HACL1: variants seen among roughly 807,000 people sequenced by gnomAD.
The protein encoded by HACL1 is 2-hydroxyacyl-CoA lyase 1, also known as 1600020H07Rik.
A neutral mutation model predicts 74.2 loss-of-function variants in HACL1; 64 were observed. That is an observed-to-expected ratio of 0.86 (90% CI 0.70 to 1.06). The LOEUF is 1.06. Among genes scored for constraint, HACL1 ranks in the 50% least tolerant of loss-of-function variants. The pLI is 0.00. For synonymous variants in HACL1, 230 were observed against 238.8 expected, an observed-to-expected ratio of 0.96 and a Z score of 0.34; for missense variants, 728 against 719.7, an observed-to-expected ratio of 1.01 and a Z score of -0.13.
At chr3:15,564,834 GA>G (rs1257564865) in intron 14 of HACL1, among the ~76,000 whole-genome samples, 176 bp from the exon 15 acceptor site, 1 of 152,124 alleles carries the variant, frequency 6.6e-6, no homozygotes, top group African/African-American at 2.4e-5. Context: ...ATAATTAACA[GA>G]AACATCATGG....
rs2063854326 is a variant in HACL1 at position 15,589,572 on chromosome 3, C to T, written c.349G>A (p.Glu117Lys). The change falls in exon 5 of 17, where the codon GAA becomes AAA. Residue 117 changes from glutamate to lysine, a missense_variant. Transcript: ENST00000321169. ...AACTCCTGGAAAGCTCCCATTGTTTCTTGGTTTCTTTCAGAGGAACCACCA... is the reference window on the plus strand; with the variant it reads ...AACTCCTGGAAAGCTCCCATTGTTTTTTGGTTTCTTTCAGAGGAACCACCA... ...VIGGSSERNQETMGAFQEFPQ... is the reference protein window; with the variant it reads ...VIGGSSERNQKTMGAFQEFPQ... 1.2e-6 allele frequency: 2 copies of T among 1,611,388 alleles called. No homozygotes were observed. The highest frequency in any genetic ancestry group is 3.3e-5 in the Admixed American group (2 of 59,924).
At chr3:15,584,707 G>C (rs2063765262) in intron 7 of HACL1, among the ~76,000 whole-genome samples, 1 of 152,176 alleles carries the variant, frequency 6.6e-6, no homozygotes, top group Non-Finnish European at 1.5e-5. Context: ...CAGTACCCAT[G>C]ATGCTTTAAC....
chr3:15,590,358 C>T (rs1258062967), intron 4 of HACL1, among the ~76,000 whole-genome samples: 1 of 151,302 alleles, frequency 6.6e-6, no homozygotes, highest in Admixed American at 6.6e-5. Flanking sequence ...TATGGGAAAC[C>T]TTAAGGTACT....
intron 4 of HACL1, 91 bp downstream of exon 4, chr3:15,591,509 C>A: frequency 1.5e-6 from 1 of 647,068 alleles, no homozygotes; most frequent in Non-Finnish European, 2.6e-6. Context: ...TTTTCCAAGT[C>A]TTTCTACCCT....
chr3:15,600,987 T>C (rs921811766), intron 2 of HACL1, 103 bp downstream of exon 2: 2 of 726,676 alleles, frequency 2.8e-6, no homozygotes, highest in Non-Finnish European at 5.1e-6. Flanking sequence ...ATATGTAAAG[T>C]AGCAGAAGAG....
chr3:15,567,086 T>C (rs1268086107), intron 14 of HACL1, among the ~76,000 whole-genome samples: 4 of 151,834 alleles, frequency 2.6e-5, no homozygotes, highest in African/African-American at 9.7e-5. Flanking sequence ...ACCCAAAGTG[T>C]TGGGATTACG....
rs930020880 is a variant in HACL1 at position 15,563,374 on chromosome 3, G to C, written c.1688C>G (p.Ala563Gly). 6.2e-7 allele frequency: 1 copy of C among 1,612,858 alleles called. No individual in the cohort carries two copies. Residue 563 changes from alanine to glycine, a missense_variant, in exon 16 of 17, where the codon GCC becomes GGC. Coordinates refer to ENST00000321169, the MANE Select transcript of HACL1 (RefSeq NM_012260.4). ...SLINIMIEPQATRKAQDFHWL... is the reference protein window; with the variant it reads ...SLINIMIEPQGTRKAQDFHWL... ...TGTATTTACCTGGGCCTTCCGTGTGGCTTGTGGCTCAATCATGATGTTGAT... is the reference window on the plus strand; with the variant it reads ...TGTATTTACCTGGGCCTTCCGTGTGCCTTGTGGCTCAATCATGATGTTGAT...
chr3:15,586,678 G>C (rs2063800767), intron 5 of HACL1, 76 bp from the exon 6 acceptor site: 1 of 838,398 alleles, frequency 1.2e-6, no homozygotes, highest in Non-Finnish European at 2.0e-6. Flanking sequence ...AAAATGTTAA[G>C]TCATTAATTT....
chr3:15,571,585 A>T, intron 12 of HACL1, 83 bp downstream of exon 12: 1 of 767,154 alleles, frequency 1.3e-6, no homozygotes, highest in Non-Finnish European at 2.3e-6. Context: ...GGTGATTTTT[A>T]GGAATGCACA....
chr3:15,575,157 T>C (rs1479475957), intron 9 of HACL1, 75 bp from the exon 10 acceptor site: 2 of 764,918 alleles, frequency 2.6e-6, no homozygotes, highest in East Asian at 2.6e-5. Context: ...TCTGAAGTAT[T>C]TGAAAAGTCT....
chr3:15,568,008 G>C lies in HACL1; in HGVS notation c.1251-6C>G. 1.2e-6 allele frequency: 2 copies of C among 1,613,858 alleles called. No individual in the cohort carries two copies. The highest frequency in any genetic ancestry group is 1.7e-6 in the Non-Finnish European group (2 of 1,179,776). On this transcript the variant is annotated splice_region_variant and splice_polypyrimidine_tract_variant and intron_variant, in intron 13 of 16. Coordinates refer to ENST00000321169, the MANE Select transcript of HACL1 (RefSeq NM_012260.4). ...CGAAAGTACCAGCATCAAGCCTGTT[G>C]GAGAACAAAGTTAAAATGAAACCCT...
At chr3:15,596,286 C>G in intron 3 of HACL1, 98 bp downstream of exon 3, 1 of 702,218 alleles carries the variant, frequency 1.4e-6, no homozygotes, top group Non-Finnish European at 2.6e-6. Context: ...ATATATTTTT[C>G]TATAATCTTT....
At chr3:15,573,110 G>A in intron 11 of HACL1, 49 bp downstream of exon 11, 1 of 963,458 alleles carries the variant, frequency 1.0e-6, no homozygotes, top group Non-Finnish European at 1.7e-6. Flanking sequence ...TTCAAGAATT[G>A]ACTATTCCCT....
At chr3:15,592,441 C>CGTATACACACACGT (rs2063944790) in intron 3 of HACL1, among the ~76,000 whole-genome samples, 1 of 147,996 alleles carries the variant, frequency 6.8e-6, no homozygotes, top group African/African-American at 2.5e-5. Context: ...TGTAGACACA[C>CGTATACACACACGT]GTATACATAC....
At chr3:15,571,050 C>G (rs917024606) in intron 12 of HACL1, among the ~76,000 whole-genome samples, 1 of 151,994 alleles carries the variant, frequency 6.6e-6, no homozygotes, top group African/African-American at 2.4e-5. Context: ...TGATCTACTA[C>G]TGCACTGCCA....
At chr3:15,594,394 T>C (rs2064019399) in intron 3 of HACL1, among the ~76,000 whole-genome samples, 1 of 151,974 alleles carries the variant, frequency 6.6e-6, no homozygotes, top group Admixed American at 6.6e-5. Context: ...GACGACAGAG[T>C]GAGACTCCAA....
At chr3:15,572,756 C>T (rs985694128) in intron 11 of HACL1, among the ~76,000 whole-genome samples, 1 of 152,180 alleles carries the variant, frequency 6.6e-6, no homozygotes, top group Non-Finnish European at 1.5e-5. Context: ...GAGTAAAAAG[C>T]TCTTTTTTAC....
At chr3:15,583,597 G>A (rs1225056318) in intron 7 of HACL1, among the ~76,000 whole-genome samples, 2 of 151,586 alleles carry the variant, frequency 1.3e-5, no homozygotes, top group Admixed American at 6.6e-5. Context: ...TAGTCATTCT[G>A]TCTCCAAAGT....
intron 8 of HACL1, among the ~76,000 whole-genome samples, chr3:15,581,779 C>T (rs1164681613): frequency 6.6e-6 from 1 of 152,218 alleles, no homozygotes; most frequent in Non-Finnish European, 1.5e-5. Flanking sequence ...TCTATCTCCC[C>T]TCCCCAATAG....
Sources: gnomAD v4.1 joint callset for allele counts (sites outside exome capture counted in the v4.1 genomes callset) on GRCh38, gnomAD v4.1.1 for gene constraint, MANE v1.5 for transcripts, NCBI Gene and HGNC (gene_info 2026-07-23, HGNC 2026-07-21) for gene names.